NUP98: variants seen among roughly 807,000 people sequenced by gnomAD.
NUP98 encodes the protein nucleoporin 98 and 96 precursor.
In NUP98, 26 loss-of-function variants were observed where a neutral mutation model predicts 191.9. That is an observed-to-expected ratio of 0.14 (90% confidence interval 0.10 to 0.19). NUP98 has a LOEUF of 0.19. Among genes scored for constraint, NUP98 ranks in the 10% least tolerant of loss-of-function variants. The pLI, the probability that NUP98 is intolerant of heterozygous loss-of-function variation, is 1.00. For synonymous variants in NUP98, 808 were observed against 778.4 expected, an observed-to-expected ratio of 1.04 and a Z score of -0.63; for missense variants, 1,941 against 2,178.8, an observed-to-expected ratio of 0.89 and a Z score of 2.17.
In NUP98 at chr11:3,779,086, A is replaced by C. The variant is rs753527492; in HGVS notation, c.179-37T>G. The stretch of plus-strand genomic sequence containing the variant: ...GAGAAGGAGGGAAAAAGTTAAGTAC[A>C]TCAGAGCCACTAAGTCAATTCCTAT... On this transcript the variant is annotated intron_variant, in intron 3 of 32. Transcript: ENST00000324932. 1.5e-5 allele frequency: 24 copies of C among 1,613,780 alleles called. No homozygotes were observed. The South Asian group carries it at 2.3e-4, about 16-fold the overall frequency.
chr11:3,732,734 A>G (rs75641619), intron 13 of NUP98, among the ~76,000 whole-genome samples: 18 of 152,224 alleles, frequency 1.2e-4, no homozygotes, highest in Non-Finnish European at 1.9e-4. Context: ...AGGATGTTCT[A>G]TATTTGTTTT....
chr11:3,781,996 AG>A lies in NUP98; in HGVS notation c.76+45del, dbSNP rs2081985884. 3.9e-6 allele frequency: 5 copies of A among 1,282,664 alleles called. No individual in the cohort carries two copies. The East Asian group carries it at 1.2e-4, about 30-fold the overall frequency. 79.5% of individuals were successfully genotyped at this position (1,282,664 alleles called of 1,614,324 possible). On this transcript the variant is annotated intron_variant, in intron 2 of 32. Coordinates refer to ENST00000324932, the MANE Select transcript of NUP98 (RefSeq NM_016320.5). ...TATCAGAGTGGATTTGTTCTTAGTA[AG>A]GGAGATTAAGGTTTCTCCCTCTTTT...
At chr11:3,733,629 T>C (rs896898964) in intron 13 of NUP98, among the ~76,000 whole-genome samples, 9 of 152,206 alleles carry the variant, frequency 5.9e-5, no homozygotes, top group African/African-American at 1.7e-4. Flanking sequence ...CCTTCACTTA[T>C]GTTTTCAAGG....
chr11:3,779,006 G>A lies in NUP98; in HGVS notation c.222C>T (p.Ser74=), dbSNP rs1392049654. Residue 74 remains serine (S), a synonymous_variant, in exon 4 of 33, where the codon TCC becomes TCT. Transcript: ENST00000324932. ...GTSSFSQPAT[S]TSTGFGFGTS... is the part of the protein sequence containing the mutation. ...TACCAAACCCAAAGCCAGTGCTTGT[G>A]GAGGTAGCTGGCTGGCTAAATGAAC... The A allele has an allele frequency of 6.2e-7, 1 of 1,614,192 alleles. No homozygotes were observed. Among genetic ancestry groups the A allele is most frequent in the Non-Finnish European group, 8.5e-7 (1 of 1,180,034 alleles).
intron 11 of NUP98, among the ~76,000 whole-genome samples, chr11:3,752,054 T>C (rs1487675382): frequency 3.4e-5 from 5 of 147,518 alleles, no homozygotes; most frequent in East Asian, 4.0e-4. Context: ...CGTGCGACTG[T>C]AGTCCCAGCT....
chr11:3,712,230 G>T, intron 20 of NUP98: 1 of 1,099,226 alleles, frequency 9.1e-7, no homozygotes, highest in South Asian at 4.4e-5. Flanking sequence ...AATAAAGGCA[G>T]AATTTACTGT....
intron 26 of NUP98, 116 bp downstream of exon 26, chr11:3,695,333 A>G: frequency 1.1e-6 from 1 of 951,408 alleles, no homozygotes; most frequent in Non-Finnish European, 1.5e-6. Context: ...TCCAATGTGT[A>G]AAACATTTTG....
intron 16 of NUP98, among the ~76,000 whole-genome samples, chr11:3,722,319 T>C (rs958959561): frequency 6.6e-6 from 1 of 151,856 alleles, no homozygotes; most frequent in African/African-American, 2.4e-5. Flanking sequence ...TCTTGCTATG[T>C]TGCCCAGACT....
In NUP98 at chr11:3,719,586, G is replaced by A. The variant is rs766530561; in HGVS notation, c.2261-36C>T. 9 of 1,465,484 alleles carry A rather than the reference G, an allele frequency of 6.1e-6. No homozygotes were observed. The South Asian group carries it at 1.2e-4, about 20-fold the overall frequency. 90.8% of individuals were successfully genotyped at this position (1,465,484 alleles called of 1,614,324 possible). ...GAGCAAATAGTTAAAAATTCATTCT[G>A]TATGAAGGCAAATACCTACTTTACA... On this transcript the variant is annotated intron_variant, in intron 17 of 32. Coordinates refer to ENST00000324932, the MANE Select transcript of NUP98 (RefSeq NM_016320.5).
chr11:3,790,238 T>C (rs1252288143), intron 1 of NUP98, among the ~76,000 whole-genome samples: 2 of 152,214 alleles, frequency 1.3e-5, no homozygotes, highest in African/African-American at 4.8e-5. Context: ...AGGTGCTCAA[T>C]TCTTTTCCCC....
At chr11:3,739,995 C>T (rs1045019472) in intron 12 of NUP98, among the ~76,000 whole-genome samples, 3 of 152,110 alleles carry the variant, frequency 2.0e-5, no homozygotes, top group Admixed American at 6.6e-5. Context: ...ATATAATATA[C>T]GTAATTTGTA....
At chr11:3,787,438 C>T (rs1204206551) in intron 1 of NUP98, among the ~76,000 whole-genome samples, 2 of 152,036 alleles carry the variant, frequency 1.3e-5, no homozygotes, top group African/African-American at 2.4e-5. Context: ...CAAACATTAG[C>T]CAGAAGCGGT....
intron 12 of NUP98, among the ~76,000 whole-genome samples, chr11:3,741,186 T>C (rs2080274252): frequency 6.6e-6 from 1 of 151,732 alleles, no homozygotes; most frequent in South Asian, 2.1e-4. Context: ...AAAACAAAAA[T>C]CATCCTGAAA....
At chr11:3,794,392 C>T (rs1025958635) in intron 1 of NUP98, among the ~76,000 whole-genome samples, 5 of 152,164 alleles carry the variant, frequency 3.3e-5, no homozygotes, top group South Asian at 2.1e-4. Context: ...ACAATCTTGG[C>T]TCACTGCAAC....
chr11:3,688,050 A>G (rs1310576264), intron 28 of NUP98, among the ~76,000 whole-genome samples: 9 of 152,106 alleles, frequency 5.9e-5, no homozygotes, highest in Non-Finnish European at 7.4e-5. Flanking sequence ...GAGGGTGGTG[A>G]TGATTGTATA....
intron 11 of NUP98, among the ~76,000 whole-genome samples, chr11:3,747,480 T>C (rs1164041219): frequency 6.6e-6 from 1 of 152,180 alleles, no homozygotes; most frequent in Non-Finnish European, 1.5e-5. Context: ...CTAATGATGT[T>C]AATATCACTA....
intron 23 of NUP98, among the ~76,000 whole-genome samples, 195 bp from the exon 24 acceptor site, chr11:3,701,034 T>A (rs563363795): frequency 3.3e-4 from 51 of 152,298 alleles, no homozygotes; most frequent in Non-Finnish European, 6.8e-4. Flanking sequence ...AATCATCTGA[T>A]CAGTGCATTC....
chr11:3,792,385 A>C (rs1349352653), intron 1 of NUP98, among the ~76,000 whole-genome samples: 2 of 152,200 alleles, frequency 1.3e-5, no homozygotes, highest in East Asian at 1.9e-4. Flanking sequence ...CGAGACGGGA[A>C]GATCACTTGA....
rs770079284 is a variant in NUP98 at position 3,778,939 on chromosome 11, T to A, written c.289A>T (p.Thr97Ser). Residue 97 changes from threonine (T) to serine (S), a missense_variant, in exon 4 of 33, where the codon ACA (threonine) becomes TCA (serine). By Grantham distance (58) the Thr-to-Ser change is moderately conservative (BLOSUM62 1). This residue lies in a region of NUP98 where 154 missense variants were observed against 182.9 expected (regional missense o/e 0.84). Transcript: ENST00000324932. ...TGGGATGAGAAGAGACTGGTCCCTG[T>A]GCTTGCAGTTCCAAACAAGGTATTT... ...TANTLFGTASTGTSLFSSQNN... is the reference protein window; with the variant it reads ...TANTLFGTASSGTSLFSSQNN... The A allele has an allele frequency of 5.0e-6, 8 of 1,614,210 alleles. No individual in the cohort carries two copies. The highest frequency in any genetic ancestry group is 5.9e-6 in the Non-Finnish European group (7 of 1,180,040).
Sources: allele counts gnomAD v4.1 joint callset (sites outside exome capture counted in the v4.1 genomes callset), GRCh38; gene constraint gnomAD v4.1.1; regional missense constraint gnomAD v4.1.1; transcripts MANE v1.5; gene names NCBI Gene and HGNC (gene_info 2026-07-23, HGNC 2026-07-21).